The following SPTSSA variants were observed in gnomAD, a reference collection of about 807,000 sequenced individuals.
The protein encoded by SPTSSA is serine palmitoyltransferase small subunit A.
SPTSSA carries 8 observed loss-of-function variants against 9.1 expected under a neutral mutation model. The observed-to-expected ratio is 0.88, with a 90% CI of 0.51 to 1.58. SPTSSA has a LOEUF of 1.58. Ranked by LOEUF, SPTSSA falls within the 40% of genes most tolerant of loss-of-function variation. The pLI, the probability that SPTSSA is intolerant of heterozygous loss-of-function variation, is 0.00. For synonymous variants in SPTSSA, 42 were observed against 37.7 expected (o/e 1.11, Z -0.41); for missense variants, 100 against 93.8 (o/e 1.07, Z -0.27).
intron 1 of SPTSSA, among the ~76,000 whole-genome samples, chr14:34,454,377 C>T (rs1566426208): frequency 6.6e-6 from 1 of 152,184 alleles, no homozygotes; most frequent in Non-Finnish European, 1.5e-5. Flanking sequence ...CTGCCATTAA[C>T]CCAACCATGA....
chr14:34,441,678 TCTCTTTTC>T (rs1015889651), intron 1 of SPTSSA, among the ~76,000 whole-genome samples: 5 of 151,844 alleles, frequency 3.3e-5, no homozygotes, highest in African/African-American at 1.2e-4. Flanking sequence ...CTCTCCTCTC[TCTCTTTTC>T]CTTTCCCACC....
In SPTSSA at chr14:34,433,969, A is replaced by C. The variant is rs1386955406; in HGVS notation, c.*1232T>G. 2 of 151,562 alleles carry C rather than the reference A, an allele frequency of 1.3e-5. No homozygotes were observed. The highest frequency in any genetic ancestry group is 2.4e-5 in the African/African-American group (1 of 40,922). The allele number at this position is 151,562 out of a possible 1,614,324, so 9.4% of individuals were successfully genotyped here. A position where few individuals can be genotyped will look rare whatever the true frequency, so the allele number is the denominator to read the frequency against. ...CAGGGCAAGACTCCGTCTCAAAAAA[A>C]AAAAAACAAAAAAACAACCCAGCAA... On this transcript the variant is annotated 3_prime_UTR_variant, in exon 2 of 2. Coordinates refer to ENST00000298130, the MANE Select transcript of SPTSSA (RefSeq NM_138288.4).
chr14:34,445,512 T>TA (rs974645100), intron 1 of SPTSSA, among the ~76,000 whole-genome samples: 7 of 151,990 alleles, frequency 4.6e-5, no homozygotes, highest in Non-Finnish European at 1.0e-4. Context: ...AAAAAATAAA[T>TA]AAATAAAATA....
chr14:34,452,346 T>A (rs1043005537), intron 1 of SPTSSA, among the ~76,000 whole-genome samples: 2 of 152,148 alleles, frequency 1.3e-5, no homozygotes, highest in Non-Finnish European at 2.9e-5. Flanking sequence ...TGGAAAATAT[T>A]ATACTGTCAC....
At chr14:34,454,730 GTCCT>G (rs901921545) in intron 1 of SPTSSA, among the ~76,000 whole-genome samples, 1 of 152,168 alleles carries the variant, frequency 6.6e-6, no homozygotes, top group Non-Finnish European at 1.5e-5. Flanking sequence ...TTTGCTGGTT[GTCCT>G]TCCCATCCTC....
intron 1 of SPTSSA, among the ~76,000 whole-genome samples, chr14:34,453,021 T>TCC (rs371538273): frequency 9.4e-5 from 14 of 148,748 alleles, no homozygotes; most frequent in African/African-American, 3.7e-4. Context: ...CTCCTCCTCC[T>TCC]TATGATTTTC....
chr14:34,458,473 C>T (rs572813619), intron 1 of SPTSSA, among the ~76,000 whole-genome samples: 15 of 151,338 alleles, frequency 9.9e-5, no homozygotes, highest in South Asian at 8.3e-4. Flanking sequence ...TGTGAGCTAC[C>T]GCGCCAGGCC....
chr14:34,433,352 C>T lies in SPTSSA; in HGVS notation c.*1849G>A, dbSNP rs956131160. ...CTCAACTTCTCCTGCCTTCAACTCA[C>T]CAGAGGAATATTAGACATCCACTTG... is the stretch of plus-strand genomic sequence containing the variant. On this transcript the variant is annotated 3_prime_UTR_variant, in exon 2 of 2. Transcript: ENST00000298130. 5 of 152,056 alleles carry T rather than the reference C, an allele frequency of 3.3e-5. No individual in the cohort carries two copies. The highest frequency in any genetic ancestry group is 5.9e-5 in the Non-Finnish European group (4 of 68,020). The allele number at this position is 152,056 out of a possible 1,614,324, so 9.4% of individuals were successfully genotyped here.
intron 1 of SPTSSA, among the ~76,000 whole-genome samples, chr14:34,459,974 C>T (rs1878585068): frequency 6.6e-6 from 1 of 152,160 alleles, no homozygotes; most frequent in Non-Finnish European, 1.5e-5. Context: ...TAGCTGGCCA[C>T]AGATTAGTTC....
intron 1 of SPTSSA, among the ~76,000 whole-genome samples, chr14:34,448,675 G>A (rs1883467456): frequency 6.6e-6 from 1 of 152,186 alleles, no homozygotes; most frequent in Non-Finnish European, 1.5e-5. Flanking sequence ...ATACTATGGA[G>A]TGTACTTTCA....
At chr14:34,441,787 C>G (rs957646722) in intron 1 of SPTSSA, among the ~76,000 whole-genome samples, 1 of 152,250 alleles carries the variant, frequency 6.6e-6, no homozygotes, top group African/African-American at 2.4e-5. Context: ...TGTGGAGAAG[C>G]CTAACCACCA....
intron 1 of SPTSSA, among the ~76,000 whole-genome samples, chr14:34,458,473 C>G (rs572813619): frequency 6.6e-6 from 1 of 151,230 alleles, no homozygotes; most frequent in Non-Finnish European, 1.5e-5. Context: ...TGTGAGCTAC[C>G]GCGCCAGGCC....
chr14:34,456,374 T>A (rs778702133), intron 1 of SPTSSA, among the ~76,000 whole-genome samples: 1 of 152,092 alleles, frequency 6.6e-6, no homozygotes, highest in Non-Finnish European at 1.5e-5. Flanking sequence ...TATAAACAAC[T>A]GTTTTTTAAG....
chr14:34,439,214 T>C (rs947936637), intron 1 of SPTSSA, among the ~76,000 whole-genome samples: 2 of 152,144 alleles, frequency 1.3e-5, no homozygotes, highest in African/African-American at 2.4e-5. Flanking sequence ...TCATTGGTTA[T>C]AGGGTGGGAT....
intron 1 of SPTSSA, among the ~76,000 whole-genome samples, chr14:34,439,861 C>T (rs1883291817): frequency 6.6e-6 from 1 of 152,184 alleles, no homozygotes; most frequent in African/African-American, 2.4e-5. Flanking sequence ...AACCACTGTA[C>T]TATATACTTT....
intron 1 of SPTSSA, among the ~76,000 whole-genome samples, chr14:34,451,495 G>A (rs1883520305): frequency 6.6e-6 from 1 of 152,048 alleles, no homozygotes; most frequent in Admixed American, 6.6e-5. Context: ...AGGCCAAGGT[G>A]GGCAGATCAC....
intron 1 of SPTSSA, among the ~76,000 whole-genome samples, chr14:34,442,209 A>G (rs549446710): frequency 5.9e-5 from 9 of 151,838 alleles, no homozygotes; most frequent in Admixed American, 5.9e-4. Flanking sequence ...TGGACTCTTT[A>G]TCTTTTCCGC....
chr14:34,448,650 T>C (rs1249351222), intron 1 of SPTSSA, among the ~76,000 whole-genome samples: 2 of 152,180 alleles, frequency 1.3e-5, no homozygotes, highest in East Asian at 3.8e-4. Flanking sequence ...AGCCCCTATG[T>C]TCAGGCCCAC....
chr14:34,443,562 GT>G lies in SPTSSA; in HGVS notation c.113-8259del, dbSNP rs199536580. On this transcript the variant is annotated intron_variant, in intron 1 of 1. Coordinates refer to ENST00000298130, the MANE Select transcript of SPTSSA (RefSeq NM_138288.4). Reference sequence around the variant, plus strand: ...GTGTGTGTGTGTGTTTTGAGATGGAGTTTTCCTCTCATTACCCAGCTGGAGT... The same window carrying G: ...GTGTGTGTGTGTGTTTTGAGATGGAGTTTCCTCTCATTACCCAGCTGGAGT... 3.3e-3 allele frequency among the ~76,000 whole-genome samples: 260 copies of G among 77,938 alleles called. 22 individuals carry two copies. The East Asian group carries it at 0.046, about 14-fold the overall frequency. 51.1% of individuals were successfully genotyped at this position (77,938 alleles called of 152,430 possible). A position where few individuals can be genotyped will look rare whatever the true frequency, so the allele number is the denominator to read the frequency against.
Sources: allele counts gnomAD v4.1 joint callset (sites outside exome capture counted in the v4.1 genomes callset), GRCh38; gene constraint gnomAD v4.1.1; transcripts MANE v1.5; gene names NCBI Gene and HGNC (gene_info 2026-07-23, HGNC 2026-07-21).